Variants in PGGT1B observed in about 807,000 individuals in gnomAD.
The protein encoded by PGGT1B is geranylgeranyl transferase type-1 subunit beta.
Under a neutral mutation model 46.1 loss-of-function variants are expected in PGGT1B, and 30 were observed. The ratio of observed to expected loss-of-function variants is 0.65; its 90% CI spans 0.49 to 0.88. PGGT1B has a LOEUF of 0.88. Among genes scored for constraint, PGGT1B ranks in the 40% least tolerant of loss-of-function variants. The pLI, the probability that PGGT1B is intolerant of heterozygous loss-of-function variation, is 0.00. For missense variants in PGGT1B, 376 were observed against 455.9 expected (o/e 0.82, Z 1.60); for synonymous variants, 170 against 160.0 (o/e 1.06, Z -0.47).
At chr5:115,244,547 A>T (rs1269455254) in intron 2 of PGGT1B, among the ~76,000 whole-genome samples, 1 of 151,666 alleles carries the variant, frequency 6.6e-6, no homozygotes, top group Non-Finnish European at 1.5e-5. Context: ...CTATACTTAA[A>T]AAAAAAATAA....
intron 7 of PGGT1B, 135 bp from the exon 8 acceptor site, chr5:115,217,108 C>T (rs1031147039): frequency 3.3e-6 from 2 of 611,748 alleles, no homozygotes; most frequent in Non-Finnish European, 5.8e-6. Context: ...GGGCCTTGAG[C>T]ACTTTTGAAA....
chr5:115,245,799 G>A (rs748698638), intron 2 of PGGT1B, among the ~76,000 whole-genome samples: 2 of 152,118 alleles, frequency 1.3e-5, no homozygotes. Flanking sequence ...TCACAGTATA[G>A]GGAAAAGACA....
chr5:115,228,456 G>A (rs1226190502), intron 6 of PGGT1B, among the ~76,000 whole-genome samples: 1 of 152,000 alleles, frequency 6.6e-6, no homozygotes, highest in Non-Finnish European at 1.5e-5. Context: ...CTAGAAAGGG[G>A]GTTAGAGAAT....
chr5:115,226,386 G>T (rs902618011), intron 6 of PGGT1B, among the ~76,000 whole-genome samples: 1 of 152,018 alleles, frequency 6.6e-6, no homozygotes, highest in Admixed American at 6.6e-5. Context: ...TTGGATAAGG[G>T]ACACTCAACA....
intron 6 of PGGT1B, among the ~76,000 whole-genome samples, chr5:115,222,898 C>T (rs1756629971): frequency 6.6e-6 from 1 of 152,148 alleles, no homozygotes; most frequent in Non-Finnish European, 1.5e-5. Flanking sequence ...TGTTCTCACT[C>T]ATAGGTGGGA....
intron 7 of PGGT1B, among the ~76,000 whole-genome samples, chr5:115,218,199 A>T (rs1022743606): frequency 2.6e-5 from 4 of 151,734 alleles, no homozygotes; most frequent in Non-Finnish European, 5.9e-5. Flanking sequence ...AATAATGTCT[A>T]AAGGTGATAA....
chr5:115,261,303 C>A (rs1026667001), intron 1 of PGGT1B, among the ~76,000 whole-genome samples: 1 of 152,108 alleles, frequency 6.6e-6, no homozygotes, highest in Non-Finnish European at 1.5e-5. Flanking sequence ...ACGTTTCACT[C>A]TTTCTTTTGT....
chr5:115,230,776 T>C (rs1371838618), intron 6 of PGGT1B, among the ~76,000 whole-genome samples, 200 bp downstream of exon 6: 1 of 152,018 alleles, frequency 6.6e-6, no homozygotes, highest in Non-Finnish European at 1.5e-5. Flanking sequence ...CCAGCCTGAA[T>C]AACACCTGAA....
chr5:115,230,907 C>T (rs1580757141), intron 6 of PGGT1B, 69 bp downstream of exon 6: 2 of 926,066 alleles, frequency 2.2e-6, no homozygotes, highest in Non-Finnish European at 3.5e-6. Flanking sequence ...GTTCTCCATA[C>T]TGAAGACACC....
rs1012736246 is a variant in PGGT1B at position 115,205,569 on chromosome 5, T to C, written c.*6833A>G. ...CTAGTTACAGTACTGCTACTAACTG[T>C]TAAAGCTTTATCTTGTGTGAGTTAA... On this transcript the variant is annotated 3_prime_UTR_variant, in exon 9 of 9. Transcript: ENST00000419445. 1.3e-5 allele frequency: 2 copies of C among 152,136 alleles called. No homozygotes were observed. Among genetic ancestry groups the C allele is most frequent in the African/African-American group, 4.8e-5 (2 of 41,452 alleles). The allele number at this position is 152,136 out of a possible 1,614,324, so 9.4% of individuals were successfully genotyped here.
At chr5:115,213,097 G>A (rs574071532) in intron 8 of PGGT1B, among the ~76,000 whole-genome samples, 1 of 152,138 alleles carries the variant, frequency 6.6e-6, no homozygotes, top group Non-Finnish European at 1.5e-5. Context: ...TAAATAAAAG[G>A]AGCTTATGCA....
In PGGT1B at chr5:115,250,287, T is replaced by C. The variant is rs141437441; in HGVS notation, c.259+2850A>G. 2.5e-3 allele frequency among the ~76,000 whole-genome samples: 380 copies of C among 152,270 alleles called. 1 individual carries two copies. Among genetic ancestry groups the C allele is most frequent in the African/African-American group, 8.6e-3 (357 of 41,548 alleles). ...ATTCTACCAGTTTGCAAATGCTTTA[T>C]GAATTAGAAAATATTTGAAGAGCCA... On this transcript the variant is annotated intron_variant, in intron 2 of 8. Transcript: ENST00000419445.
intron 2 of PGGT1B, among the ~76,000 whole-genome samples, chr5:115,246,739 T>C (rs904223359): frequency 6.6e-6 from 1 of 152,230 alleles, no homozygotes; most frequent in Admixed American, 6.5e-5. Context: ...TGGAAAATTG[T>C]ATTTAAAAAG....
intron 5 of PGGT1B, among the ~76,000 whole-genome samples, chr5:115,232,572 A>G (rs759709106): frequency 1.8e-4 from 28 of 152,084 alleles, no homozygotes; most frequent in Non-Finnish European, 3.2e-4. Context: ...TGATTTTACT[A>G]TTTAAAACAT....
chr5:115,220,943 T>G (rs933439078), intron 7 of PGGT1B, among the ~76,000 whole-genome samples: 1 of 151,994 alleles, frequency 6.6e-6, no homozygotes, highest in East Asian at 1.9e-4. Flanking sequence ...TTGTTGAGAC[T>G]GGTTGATGGA....
chr5:115,244,791 G>A (rs1414419302), intron 2 of PGGT1B, among the ~76,000 whole-genome samples: 1 of 151,580 alleles, frequency 6.6e-6, no homozygotes, highest in African/African-American at 2.4e-5. Context: ...GGGTTTCATC[G>A]TGTTGGCCAG....
intron 1 of PGGT1B, among the ~76,000 whole-genome samples, chr5:115,259,685 C>CAA (rs917531364): frequency 0.11 from 3,117 of 29,062 alleles, 408 homozygotes; most frequent in African/African-American, 0.2. Context: ...GAGACTGTCT[C>CAA]AAAAAAAAAA....
intron 1 of PGGT1B, among the ~76,000 whole-genome samples, chr5:115,256,445 C>T (rs577336302): frequency 1.8e-4 from 27 of 152,276 alleles, no homozygotes; most frequent in South Asian, 1.0e-3. Flanking sequence ...TAAAATCTTG[C>T]ATACTTAATT....
rs934229685 is a variant in PGGT1B, at chr5:115,205,643, G to A, written c.*6759C>T. The A allele has an allele frequency of 1.3e-5, 2 of 152,002 alleles. No homozygotes were observed. Among genetic ancestry groups the A allele is most frequent in the African/African-American group, 2.4e-5 (1 of 41,408 alleles). The allele number at this position is 152,002 out of a possible 1,614,324, so 9.4% of individuals were successfully genotyped here. On this transcript the variant is annotated 3_prime_UTR_variant, in exon 9 of 9. Coordinates refer to ENST00000419445, the MANE Select transcript of PGGT1B (RefSeq NM_005023.4). ...TAATTCGTAAATGAGTTTGAGGAACGAAGCCACAAAGGTCTTTTCTAATGC... is the reference window on the plus strand; with the variant it reads ...TAATTCGTAAATGAGTTTGAGGAACAAAGCCACAAAGGTCTTTTCTAATGC...
Sources: allele counts gnomAD v4.1 joint callset (sites outside exome capture counted in the v4.1 genomes callset), GRCh38; gene constraint gnomAD v4.1.1; transcripts MANE v1.5; gene names NCBI Gene and HGNC (gene_info 2026-07-23, HGNC 2026-07-21).